CSF1R: variants seen among roughly 807,000 people sequenced by gnomAD.
CSF1R encodes macrophage colony-stimulating factor 1 receptor.
A neutral mutation model predicts 110.0 loss-of-function variants in CSF1R; 40 were observed. The observed-to-expected ratio is 0.36, with a 90% CI of 0.28 to 0.47. The LOEUF (loss-of-function observed/expected upper bound fraction) is 0.47, where lower values mean the gene tolerates loss of function less well. Ranked by LOEUF, CSF1R falls within the 20% of genes least tolerant of loss-of-function variation. CSF1R has a pLI of 0.99. For synonymous variants in CSF1R, 523 were observed against 503.4 expected (o/e 1.04, Z -0.52); for missense variants, 1,052 against 1,253.0 (o/e 0.84, Z 2.42).
chr5:150,110,113 CAT>C (rs1481989502), intron 1 of CSF1R, among the ~76,000 whole-genome samples: 1 of 152,242 alleles, frequency 6.6e-6, no homozygotes, highest in African/African-American at 2.4e-5. Flanking sequence ...TCACCTGCTC[CAT>C]CCTGACTCAT....
chr5:150,073,580 G>T, intron 5 of CSF1R, 87 bp from the exon 6 acceptor site: 1 of 1,391,368 alleles, frequency 7.2e-7, no homozygotes, highest in Non-Finnish European at 1.0e-6. Context: ...CATTGATCCA[G>T]TCCCTGAGCA....
At chr5:150,112,622 C>T (rs893545774) in intron 1 of CSF1R, among the ~76,000 whole-genome samples, 5 of 152,244 alleles carry the variant, frequency 3.3e-5, no homozygotes, top group African/African-American at 1.2e-4. Flanking sequence ...ATCCGGGTAT[C>T]ACCTCATTCA....
chr5:150,109,479 C>A (rs967010195), intron 1 of CSF1R, among the ~76,000 whole-genome samples: 3 of 152,190 alleles, frequency 2.0e-5, no homozygotes, highest in African/African-American at 4.8e-5. Flanking sequence ...TCCTGCCTTG[C>A]CAAGTCCTCT....
intron 2 of CSF1R, 114 bp downstream of exon 2, chr5:150,080,653 C>G (rs1271272046): frequency 7.4e-7 from 1 of 1,351,418 alleles, no homozygotes; most frequent in Non-Finnish European, 1.0e-6. Flanking sequence ...GGTCCTTGCT[C>G]ATAGCCAGCA....
At chr5:150,100,236 T>C (rs1398150617) in intron 1 of CSF1R, among the ~76,000 whole-genome samples, 1 of 142,514 alleles carries the variant, frequency 7.0e-6, no homozygotes, top group African/African-American at 2.6e-5. Flanking sequence ...ATAGAACCAG[T>C]GGGGATGGGG....
intron 16 of CSF1R, 76 bp from the exon 17 acceptor site, chr5:150,056,417 G>A (rs2113779898): frequency 6.4e-7 from 1 of 1,572,120 alleles, no homozygotes. Flanking sequence ...GGCAGGGAGG[G>A]CCCCACATGG....
At chr5:150,083,349 A>AACACACACACACACACAC (rs59055324) in intron 1 of CSF1R, among the ~76,000 whole-genome samples, 8 of 106,388 alleles carry the variant, frequency 7.5e-5, no homozygotes, top group African/African-American at 2.6e-4. Flanking sequence ...CTTCTCTCCC[A>AACACACACACACACACAC]ACACACACAC....
chr5:150,077,101 A>T, intron 5 of CSF1R, 175 bp downstream of exon 5: 1 of 755,040 alleles, frequency 1.3e-6, no homozygotes. Context: ...ATCCCAGGAG[A>T]GGGTAAGGGA....
intron 1 of CSF1R, among the ~76,000 whole-genome samples, chr5:150,096,052 G>C (rs913982596): frequency 6.6e-6 from 1 of 152,170 alleles, no homozygotes; most frequent in African/African-American, 2.4e-5. Context: ...AAACTCTTCA[G>C]GTTCAAGTGG....
At chr5:150,092,173 G>A (rs903747313) in intron 1 of CSF1R, among the ~76,000 whole-genome samples, 27 of 152,154 alleles carry the variant, frequency 1.8e-4, no homozygotes, top group African/African-American at 6.0e-4. Flanking sequence ...TATTGAGCAC[G>A]CTATGTTCCA....
upstream of CSF1R, among the ~76,000 whole-genome samples, chr5:150,087,552 G>C (rs1264528833): frequency 6.6e-6 from 1 of 152,146 alleles, no homozygotes; most frequent in African/African-American, 2.4e-5. Flanking sequence ...ACTATCTTTT[G>C]TGCGTTACTT....
chr5:150,082,146 G>A (rs945694514), intron 1 of CSF1R, among the ~76,000 whole-genome samples: 5 of 152,212 alleles, frequency 3.3e-5, no homozygotes, highest in Non-Finnish European at 7.4e-5. Context: ...CTGTGAGGCT[G>A]GGCTCTGACG....
In CSF1R at chr5:150,073,441, G is replaced by C; in HGVS notation, c.942C>G (p.Thr314=). The C allele has an allele frequency of 2.5e-6, 4 of 1,614,004 alleles. No homozygotes were observed. In the South Asian group the frequency reaches 3.3e-5, roughly 13 times the overall value. Residue 314 remains threonine, a synonymous_variant, in exon 6 of 21, where the codon ACC becomes ACG. Coordinates refer to ENST00000675795, the MANE Select transcript of CSF1R (RefSeq NM_001288705.3). ...CTTTGAGGTTGAGCCCCTCCCCCAC[G>C]GTCACCTCCTGGATGAGGTTCTGCT... is the stretch of plus-strand genomic sequence containing the variant. ...SSEQNLIQEV[T]VGEGLNLKVM... is the part of the protein sequence containing the mutation.
At position 150,054,066 on chromosome 5, in the gene CSF1R, TC is replaced by T; in HGVS notation, c.*2del. 1 of 1,614,040 alleles carries T rather than the reference TC, an allele frequency of 6.2e-7. No individual in the cohort carries two copies. ...GAGAGTGGTACTCCCTGTCGTCAAC[TC>T]CTCAGCAGAACTGATAGTTGTTGGG... On this transcript the variant is annotated 3_prime_UTR_variant, in exon 21 of 21. Transcript: ENST00000675795.
intron 5 of CSF1R, chr5:150,076,811 C>T: frequency 4.3e-6 from 1 of 235,234 alleles, no homozygotes; most frequent in Non-Finnish European, 8.4e-6. Flanking sequence ...ACCCTTCTGC[C>T]CGGCCAACTC....
At chr5:150,101,861 C>T (rs554007363) in intron 1 of CSF1R, among the ~76,000 whole-genome samples, 70 of 152,134 alleles carry the variant, frequency 4.6e-4, no homozygotes, top group African/African-American at 1.6e-3. Flanking sequence ...ATCTGTCCAC[C>T]CATCCATCCC....
At position 150,073,511 on chromosome 5, in the gene CSF1R, C is replaced by T. The variant is rs536696469; in HGVS notation, c.890-18G>A. The stretch of plus-strand genomic sequence containing the variant: ...GGCACTCTCTGGAAAGCAGAACACA[C>T]AAGCATCTGGCATTAGTGGGAAGAT... On this transcript the variant is annotated intron_variant, in intron 5 of 20. Transcript: ENST00000675795. 1.9e-6 allele frequency: 3 copies of T among 1,606,090 alleles called. No homozygotes were observed. Among genetic ancestry groups the T allele is most frequent in the African/African-American group, 2.7e-5 (2 of 74,904 alleles).
At chr5:150,081,137 G>A (rs1758524495) in intron 1 of CSF1R, 113 bp from the exon 2 acceptor site, 1 of 1,253,748 alleles carries the variant, frequency 8.0e-7, no homozygotes, top group Non-Finnish European at 1.1e-6. Context: ...GCCATCAAGG[G>A]ACCACCTTGA....
intron 10 of CSF1R, among the ~76,000 whole-genome samples, chr5:150,065,143 C>G (rs1757703862): frequency 6.6e-6 from 1 of 152,214 alleles, no homozygotes; most frequent in South Asian, 2.1e-4. Context: ...CTGACTTCTT[C>G]CCTTCCTCCC....
Sources: allele counts gnomAD v4.1 joint callset (sites outside exome capture counted in the v4.1 genomes callset), GRCh38; gene constraint gnomAD v4.1.1; transcripts MANE v1.5; gene names NCBI Gene and HGNC (gene_info 2026-07-23, HGNC 2026-07-21).